SPHKAP: variants seen among roughly 807,000 people sequenced by gnomAD.
The protein encoded by SPHKAP is A-kinase anchor protein SPHKAP.
In SPHKAP, 67 loss-of-function variants were observed where a neutral mutation model predicts 137.5. That is an observed-to-expected ratio of 0.49 (90% confidence interval 0.40 to 0.60). The LOEUF (loss-of-function observed/expected upper bound fraction) is 0.60, where lower values mean the gene tolerates loss of function less well. Ranked by LOEUF, SPHKAP falls within the 20% of genes least tolerant of loss-of-function variation. SPHKAP has a pLI of 0.00. For missense variants in SPHKAP, 2,097 were observed against 2,069.3 expected (o/e 1.01, Z -0.26); for synonymous variants, 813 against 785.3 (o/e 1.04, Z -0.59).
At chr2:228,112,887 A>T (rs1346885896) in intron 2 of SPHKAP, among the ~76,000 whole-genome samples, 4 of 152,146 alleles carry the variant, frequency 2.6e-5, no homozygotes, top group African/African-American at 9.7e-5. Flanking sequence ...TGCTTTAGAG[A>T]CCTGCTCATT....
intron 1 of SPHKAP, among the ~76,000 whole-genome samples, chr2:228,149,818 A>G (rs1301913584): frequency 6.6e-6 from 1 of 152,140 alleles, no homozygotes; most frequent in Non-Finnish European, 1.5e-5. Flanking sequence ...CAGTCTAATA[A>G]TGCATAATTT....
At chr2:228,159,653 T>C (rs1446884099) in intron 1 of SPHKAP, among the ~76,000 whole-genome samples, 1 of 152,168 alleles carries the variant, frequency 6.6e-6, no homozygotes, top group East Asian at 1.9e-4. Flanking sequence ...CTAGAGAAAC[T>C]GCTTTAAGAA....
Position 227,980,026 on chromosome 2 carries a change from A to T in SPHKAP, c.*1691T>A, listed in dbSNP as rs949558153. The T allele has an allele frequency of 6.6e-6, 1 of 152,668 alleles. No homozygotes were observed. Among genetic ancestry groups the T allele is most frequent in the Non-Finnish European group, 1.5e-5 (1 of 68,038 alleles). 9.5% of individuals were successfully genotyped at this position (152,668 alleles called of 1,614,324 possible). A position where few individuals can be genotyped will look rare whatever the true frequency, so the allele number is the denominator to read the frequency against. ...ATAGATAACTTCATCACATGGTTACAATCCAGTATTTGAGCTTTGTAAGAT... is the reference window on the plus strand; with the variant it reads ...ATAGATAACTTCATCACATGGTTACTATCCAGTATTTGAGCTTTGTAAGAT... On this transcript the variant is annotated 3_prime_UTR_variant, in exon 12 of 12. Coordinates refer to ENST00000392056, the MANE Select transcript of SPHKAP (RefSeq NM_001142644.2).
intron 1 of SPHKAP, among the ~76,000 whole-genome samples, chr2:228,137,251 C>T (rs1699462609): frequency 2.0e-5 from 3 of 152,168 alleles, no homozygotes; most frequent in Admixed American, 1.3e-4. Flanking sequence ...TCACTTAGGA[C>T]ACAGGACAGC....
At chr2:228,105,831 C>T (rs1428189470) in intron 3 of SPHKAP, among the ~76,000 whole-genome samples, 1 of 152,108 alleles carries the variant, frequency 6.6e-6, no homozygotes, top group African/African-American at 2.4e-5. Context: ...TCCCCAGCCA[C>T]GTGGAACTGT....
chr2:228,042,709 C>T (rs951534756), intron 3 of SPHKAP, among the ~76,000 whole-genome samples: 2 of 152,090 alleles, frequency 1.3e-5, no homozygotes, highest in African/African-American at 4.8e-5. Context: ...TTTTCTGCCA[C>T]CCAATTTCTA....
intron 3 of SPHKAP, among the ~76,000 whole-genome samples, chr2:228,072,008 A>G (rs1002031720): frequency 6.6e-6 from 1 of 152,234 alleles, no homozygotes; most frequent in African/African-American, 2.4e-5. Flanking sequence ...GGGACTGAGC[A>G]GCACAGATTG....
intron 3 of SPHKAP, among the ~76,000 whole-genome samples, chr2:228,079,810 G>A (rs1697303158): frequency 6.6e-6 from 1 of 152,138 alleles, no homozygotes; most frequent in Non-Finnish European, 1.5e-5. Context: ...CCTGGCCTCT[G>A]GCCCATCCTT....
intron 4 of SPHKAP, chr2:228,025,831 T>G: frequency 1.0e-6 from 1 of 975,490 alleles, no homozygotes; most frequent in Non-Finnish European, 1.2e-6. Flanking sequence ...AAACAGTAAC[T>G]TGGAAAAATT....
chr2:227,982,029 A>G, intron 11 of SPHKAP, 169 bp from the exon 12 acceptor site: 1 of 978,468 alleles, frequency 1.0e-6, no homozygotes, highest in Non-Finnish European at 1.2e-6. Context: ...ATTTCAGATT[A>G]TTACCGAACT....
intron 2 of SPHKAP, among the ~76,000 whole-genome samples, chr2:228,123,593 G>A (rs1698980055): frequency 1.3e-5 from 2 of 152,166 alleles, no homozygotes; most frequent in South Asian, 4.1e-4. Flanking sequence ...TTGAAACACA[G>A]TGAAAGTACT....
chr2:228,122,241 C>T (rs1698931136), intron 2 of SPHKAP, among the ~76,000 whole-genome samples: 1 of 152,054 alleles, frequency 6.6e-6, no homozygotes, highest in Non-Finnish European at 1.5e-5. Flanking sequence ...AGCCTCAACT[C>T]CACAAAATGT....
At chr2:228,102,787 G>A (rs963298054) in intron 3 of SPHKAP, among the ~76,000 whole-genome samples, 1 of 151,932 alleles carries the variant, frequency 6.6e-6, no homozygotes, top group East Asian at 1.9e-4. Context: ...CTGTCACCCC[G>A]GCTGGAGTGC....
rs1468484261 is a variant in SPHKAP, at chr2:227,997,557, TTAAGTC to T, written c.4449-1869_4449-1864del. Reference sequence around the variant, plus strand: ...CTTTATTAATAAATTATATAATTCATTAAGTCTAATAACATGCTTTTGTTAAGAATC... The same window carrying T: ...CTTTATTAATAAATTATATAATTCATTAATAACATGCTTTTGTTAAGAATC... On this transcript the variant is annotated intron_variant, in intron 7 of 11. Coordinates refer to ENST00000392056, the MANE Select transcript of SPHKAP (RefSeq NM_001142644.2). Among the ~76,000 whole-genome samples the T allele has an allele frequency of 1.6e-4, 24 of 152,340 alleles. No homozygotes were observed. The South Asian group carries it at 2.1e-3, about 13-fold the overall frequency.
At chr2:228,097,326 C>T (rs1698017333) in intron 3 of SPHKAP, among the ~76,000 whole-genome samples, 1 of 152,144 alleles carries the variant, frequency 6.6e-6, no homozygotes. Context: ...TAAAAACACA[C>T]TTCGATTTAT....
At chr2:228,004,435 A>C (rs1379032044) in intron 7 of SPHKAP, among the ~76,000 whole-genome samples, 1 of 151,952 alleles carries the variant, frequency 6.6e-6, no homozygotes, top group Non-Finnish European at 1.5e-5. Context: ...TATTATGTCT[A>C]TTCGATTCTT....
chr2:228,062,356 C>T (rs977146014), intron 3 of SPHKAP, among the ~76,000 whole-genome samples: 2 of 151,908 alleles, frequency 1.3e-5, no homozygotes, highest in African/African-American at 4.8e-5. Flanking sequence ...AACTCCTGAC[C>T]TCAGGTGATC....
intron 3 of SPHKAP, among the ~76,000 whole-genome samples, chr2:228,105,448 T>A (rs1251643374): frequency 6.6e-6 from 1 of 152,138 alleles, no homozygotes; most frequent in East Asian, 1.9e-4. Flanking sequence ...AAAAATGCCA[T>A]GAAGGTTAGT....
At chr2:228,154,512 C>CTCTATATATATATATATATATA (rs1393941364) in intron 1 of SPHKAP, among the ~76,000 whole-genome samples, 3 of 22,068 alleles carry the variant, frequency 1.4e-4, no homozygotes, top group Non-Finnish European at 2.2e-4. Context: ...CTCTCTCTCT[C>CTCTATATATATATATATATATA]TATATATATA....
Sources: gnomAD v4.1 joint callset for allele counts (sites outside exome capture counted in the v4.1 genomes callset) on GRCh38, gnomAD v4.1.1 for gene constraint, MANE v1.5 for transcripts, NCBI Gene and HGNC (gene_info 2026-07-23, HGNC 2026-07-21) for gene names.